The following ZNF670 variants were observed in gnomAD, a reference collection of about 807,000 sequenced individuals.
ZNF670 encodes the protein zinc finger protein 670.
ZNF670 carries 7 observed loss-of-function variants against 10.9 expected under a neutral mutation model. The ratio of observed to expected loss-of-function variants is 0.64; its 90% CI spans 0.36 to 1.20. The LOEUF is 1.20. Ranked by LOEUF, ZNF670 falls within the 50% of genes most tolerant of loss-of-function variation. ZNF670 has a pLI of 0.02. For synonymous variants in ZNF670, 136 were observed against 152.7 expected (o/e 0.89, Z 0.81); for missense variants, 446 against 458.6 (o/e 0.97, Z 0.25).
At chr1:247,055,856 T>C (rs1572564543) in intron 1 of ZNF670, among the ~76,000 whole-genome samples, 1 of 152,172 alleles carries the variant, frequency 6.6e-6, no homozygotes, top group Non-Finnish European at 1.5e-5. Context: ...AAAAAAAGAA[T>C]AGCTATACTT....
chr1:247,063,688 A>C (rs1240769491), intron 1 of ZNF670, among the ~76,000 whole-genome samples: 1 of 151,336 alleles, frequency 6.6e-6, no homozygotes, highest in Non-Finnish European at 1.5e-5. Context: ...TGTTTTTCAT[A>C]CATCTTGAAG....
chr1:247,070,569 C>A (rs1207850615), intron 1 of ZNF670, among the ~76,000 whole-genome samples: 1 of 152,126 alleles, frequency 6.6e-6, no homozygotes, highest in African/African-American at 2.4e-5. Flanking sequence ...GGACATAATC[C>A]TTGGTAAATA....
In ZNF670 at chr1:247,039,430, G is replaced by C; in HGVS notation, c.111C>G (p.Phe37Leu). 1 of 1,603,348 alleles carries C rather than the reference G, an allele frequency of 6.2e-7. No homozygotes were observed. The highest frequency in any genetic ancestry group is 1.4e-5 in the African/African-American group (1 of 74,024). Reference protein sequence around the residue: ...NLYRDVMQEIFRNLASVGNKS... With the variant: ...NLYRDVMQEILRNLASVGNKS... The stretch of plus-strand genomic sequence containing the variant: ...TCTTACCTACAGAAGCCAGGTTCCT[G>C]AAGATTTCTTGCATCACATCTCTGT... The change falls in exon 2 of 4, where the codon TTC becomes TTG. Residue 37 changes from phenylalanine (F) to leucine (L), a missense_variant. By Grantham distance (22) the Phe-to-Leu change is conservative (BLOSUM62 0). Coordinates refer to ENST00000366503, the MANE Select transcript of ZNF670 (RefSeq NM_033213.5).
In ZNF670 at chr1:247,036,288, T is replaced by C. The variant is rs1670148963; in HGVS notation, c.*1161A>G. Among the ~76,000 whole-genome samples the C allele has an allele frequency of 6.6e-6, 1 of 152,192 alleles. No homozygotes were observed. The highest frequency in any genetic ancestry group is 6.5e-5 in the Admixed American group (1 of 15,282). The stretch of plus-strand genomic sequence containing the variant: ...GAAAAATCCACAATATACTTGATGG[T>C]GAGACTGAATGCTTTCACACGCAGA... On this transcript the variant is annotated 3_prime_UTR_variant, in exon 4 of 4. Coordinates refer to ENST00000366503, the MANE Select transcript of ZNF670 (RefSeq NM_033213.5).
rs374645251 is a variant in ZNF670, at chr1:247,039,461, T to C, written c.80A>G (p.Asn27Ser). The C allele has an allele frequency of 1.4e-5, 22 of 1,608,938 alleles. No individual in the cohort carries two copies. In the African/African-American group the frequency reaches 2.8e-4, roughly 21 times the overall value. The change falls in exon 2 of 4, where the codon AAT becomes AGT. Residue 27 changes from asparagine (N) to serine (S), a missense_variant. Asn to Ser is a conservative substitution (Grantham distance 46, BLOSUM62 1). Coordinates refer to ENST00000366503, the MANE Select transcript of ZNF670 (RefSeq NM_033213.5). ...EWALLDPSQK[N>S]LYRDVMQEIF... is the part of the protein sequence containing the mutation. ...TTCTTGCATCACATCTCTGTAGAGA[T>C]TCTTTTGAGAAGGATCCAGCAAAGC... is the stretch of plus-strand genomic sequence containing the variant.
intron 1 of ZNF670, among the ~76,000 whole-genome samples, chr1:247,077,902 CATGA>C (rs1449069259): frequency 2.0e-5 from 3 of 152,280 alleles, no homozygotes; most frequent in East Asian, 1.9e-4. Flanking sequence ...TACATACACA[CATGA>C]ATGAATAAAC....
chr1:247,073,302 T>A (rs1245762629), intron 1 of ZNF670, among the ~76,000 whole-genome samples: 1 of 152,190 alleles, frequency 6.6e-6, no homozygotes, highest in African/African-American at 2.4e-5. Flanking sequence ...TTTATAAAGA[T>A]GAACCCTGTG....
At chr1:247,050,480 C>T (rs1173854752) in intron 1 of ZNF670, among the ~76,000 whole-genome samples, 1 of 142,740 alleles carries the variant, frequency 7.0e-6, no homozygotes, top group Non-Finnish European at 1.5e-5. Flanking sequence ...TTCTTTTCTT[C>T]TTTTTTTTTT....
Position 247,067,218 on chromosome 1 carries a change from C to T in ZNF670, c.3+11376G>A, listed in dbSNP as rs1671002162. ...TGGGAAGCCAAGGTGGGTGGGTCAC[C>T]TGAGGTCAGGAGTTCAAGACCAGCC... On this transcript the variant is annotated intron_variant, in intron 1 of 3. Coordinates refer to ENST00000366503, the MANE Select transcript of ZNF670 (RefSeq NM_033213.5). Among the ~76,000 whole-genome samples the T allele has an allele frequency of 2.7e-5, 4 of 150,716 alleles. No homozygotes were observed. In the South Asian group the frequency reaches 8.4e-4, roughly 32 times the overall value.
At chr1:247,054,244 A>T (rs1388890569) in intron 1 of ZNF670, among the ~76,000 whole-genome samples, 3 of 152,218 alleles carry the variant, frequency 2.0e-5, no homozygotes, top group Non-Finnish European at 4.4e-5. Context: ...AGTCTAAGCC[A>T]CAAGAATGGC....
At chr1:247,064,182 G>A (rs1389535890) in intron 1 of ZNF670, among the ~76,000 whole-genome samples, 7 of 152,264 alleles carry the variant, frequency 4.6e-5, no homozygotes, top group Middle Eastern at 3.4e-3. Context: ...CTAGAATGTC[G>A]CAGTACCCGC....
At chr1:247,065,202 T>C (rs12723583) in intron 1 of ZNF670, among the ~76,000 whole-genome samples, 22,510 of 152,202 alleles carry the variant, frequency 0.15, 1,848 homozygotes, top group South Asian at 0.25. Context: ...GGCAGCAATA[T>C]TGCATAAAGG....
chr1:247,069,054 G>C (rs1053595432), intron 1 of ZNF670, among the ~76,000 whole-genome samples: 2 of 148,656 alleles, frequency 1.3e-5, no homozygotes, highest in Non-Finnish European at 2.9e-5. Flanking sequence ...AGCTGGAGGA[G>C]AGGTGGAGAC....
chr1:247,073,181 A>G (rs929805333), intron 1 of ZNF670, among the ~76,000 whole-genome samples: 1 of 152,184 alleles, frequency 6.6e-6, no homozygotes, highest in African/African-American at 2.4e-5. Flanking sequence ...TTTTCAGGTC[A>G]TATCACCCAA....
chr1:247,077,850 G>A (rs968528724), intron 1 of ZNF670, among the ~76,000 whole-genome samples: 1 of 152,172 alleles, frequency 6.6e-6, no homozygotes. Flanking sequence ...CTGAGGTGGG[G>A]GGATCGCTTG....
In ZNF670 at chr1:247,036,449, TCAATA is replaced by T. The variant is rs1558333865; in HGVS notation, c.*995_*999del. Among the ~76,000 whole-genome samples, 3 of 152,118 alleles carry T rather than the reference TCAATA, an allele frequency of 2.0e-5. No homozygotes were observed. The highest frequency in any genetic ancestry group is 2.9e-5 in the Non-Finnish European group (2 of 68,008). ...AGGAGGATAGCTTGAGGCCAGGAAT[TCAATA>T]CCAGCCTAGACAATACAGCGAGATC... On this transcript the variant is annotated 3_prime_UTR_variant, in exon 4 of 4. Coordinates refer to ENST00000366503, the MANE Select transcript of ZNF670 (RefSeq NM_033213.5).
intron 3 of ZNF670, 136 bp downstream of exon 3, chr1:247,038,674 C>T: frequency 1.3e-6 from 1 of 741,126 alleles, no homozygotes; most frequent in Non-Finnish European, 2.2e-6. Context: ...ATGTTACATT[C>T]AGGTGTATTT....
chr1:247,068,329 A>G (rs536214822), intron 1 of ZNF670, among the ~76,000 whole-genome samples: 1 of 148,366 alleles, frequency 6.7e-6, no homozygotes, highest in East Asian at 1.9e-4. Flanking sequence ...CAAAAAAAAA[A>G]AAAAAAAAGA....
chr1:247,067,178 G>GGC (rs1671000392), intron 1 of ZNF670, among the ~76,000 whole-genome samples: 1 of 152,098 alleles, frequency 6.6e-6, no homozygotes, highest in Non-Finnish European at 1.5e-5. Flanking sequence ...GCTCATGCCT[G>GGC]TAATCCTAGC....
Sources: gnomAD v4.1 joint callset for allele counts (sites outside exome capture counted in the v4.1 genomes callset) on GRCh38, gnomAD v4.1.1 for gene constraint, MANE v1.5 for transcripts, NCBI Gene and HGNC (gene_info 2026-07-23, HGNC 2026-07-21) for gene names.